The following MARCHF1 variants were observed in gnomAD, a reference collection of about 807,000 sequenced individuals.
MARCHF1 encodes E3 ubiquitin-protein ligase MARCHF1.
Under a neutral mutation model 54.2 loss-of-function variants are expected in MARCHF1, and 40 were observed. The observed-to-expected ratio is 0.74, with a 90% CI of 0.57 to 0.96. MARCHF1 has a LOEUF of 0.96. MARCHF1 is among the 40% of genes least tolerant of loss of function. The pLI, the probability that MARCHF1 is intolerant of heterozygous loss-of-function variation, is 0.00. For synonymous variants in MARCHF1, 236 were observed against 236.3 expected, an observed-to-expected ratio of 1.00 and a Z score of 0.01; for missense variants, 586 against 656.5, an observed-to-expected ratio of 0.89 and a Z score of 1.17.
chr4:163,707,913 C>T (rs1454124641), intron 4 of MARCHF1, among the ~76,000 whole-genome samples: 4 of 151,566 alleles, frequency 2.6e-5, no homozygotes, highest in Non-Finnish European at 1.5e-5. Context: ...AACTACTTTT[C>T]TGTTGTGCCA....
At chr4:163,772,432 C>A (rs935505671) in intron 4 of MARCHF1, among the ~76,000 whole-genome samples, 1 of 152,146 alleles carries the variant, frequency 6.6e-6, no homozygotes, top group Non-Finnish European at 1.5e-5. Context: ...TAGGACATGA[C>A]CAGGATGAAA....
chr4:163,952,205 T>C (rs955806480), intron 3 of MARCHF1, among the ~76,000 whole-genome samples: 1 of 152,198 alleles, frequency 6.6e-6, no homozygotes, highest in Admixed American at 6.5e-5. Context: ...CACTGTTGAG[T>C]ATAGTAGATG....
At chr4:163,958,708 TA>T (rs1326036097) in intron 3 of MARCHF1, among the ~76,000 whole-genome samples, 3 of 151,962 alleles carry the variant, frequency 2.0e-5, no homozygotes, top group Non-Finnish European at 4.4e-5. Context: ...GCTGGTCTTT[TA>T]AGATCTACTG....
At chr4:163,798,033 G>A (rs868405618) in intron 4 of MARCHF1, among the ~76,000 whole-genome samples, 1 of 152,102 alleles carries the variant, frequency 6.6e-6, no homozygotes, top group Non-Finnish European at 1.5e-5. Flanking sequence ...TTGCACTTAG[G>A]GGGTGCTATG....
At chr4:163,953,248 A>T (rs1372189580) in intron 3 of MARCHF1, among the ~76,000 whole-genome samples, 1 of 152,132 alleles carries the variant, frequency 6.6e-6, no homozygotes, top group Admixed American at 6.5e-5. Flanking sequence ...TGGGTGAGGC[A>T]TCGTGGCTAC....
At chr4:163,989,549 C>A (rs938097567) in intron 2 of MARCHF1, among the ~76,000 whole-genome samples, 1 of 152,158 alleles carries the variant, frequency 6.6e-6, no homozygotes, top group Non-Finnish European at 1.5e-5. Context: ...ATAAAGGAAA[C>A]AGACTTTACT....
chr4:164,228,463 A>G (rs529616819), intron 1 of MARCHF1, among the ~76,000 whole-genome samples: 1 of 152,178 alleles, frequency 6.6e-6, no homozygotes, highest in Non-Finnish European at 1.5e-5. Context: ...ATAGTAGTTA[A>G]TCTGCATGTG....
At chr4:164,172,373 T>C (rs1305725076) in intron 1 of MARCHF1, among the ~76,000 whole-genome samples, 1 of 152,222 alleles carries the variant, frequency 6.6e-6, no homozygotes, top group Non-Finnish European at 1.5e-5. Context: ...AATTTACTTA[T>C]CTTACTTATC....
At chr4:163,578,529 C>T (rs991087467) in intron 8 of MARCHF1, among the ~76,000 whole-genome samples, 14 of 152,178 alleles carry the variant, frequency 9.2e-5, no homozygotes, top group Non-Finnish European at 1.2e-4. Flanking sequence ...CCAGTAGTGT[C>T]CTGGATATTT....
intron 1 of MARCHF1, among the ~76,000 whole-genome samples, chr4:164,259,833 C>G (rs1733413020): frequency 2.0e-5 from 3 of 152,272 alleles, no homozygotes; most frequent in Non-Finnish European, 4.4e-5. Context: ...TGGGGATAAG[C>G]TAAACCATTT....
chr4:163,953,748 A>C (rs993249267), intron 3 of MARCHF1, among the ~76,000 whole-genome samples: 1 of 152,208 alleles, frequency 6.6e-6, no homozygotes, highest in Non-Finnish European at 1.5e-5. Flanking sequence ...GGGTTAAAAA[A>C]ATCAAAAGAA....
At chr4:163,993,423 C>T (rs911990656) in intron 2 of MARCHF1, among the ~76,000 whole-genome samples, 4 of 152,072 alleles carry the variant, frequency 2.6e-5, no homozygotes, top group African/African-American at 7.2e-5. Context: ...GAATGATCAG[C>T]CTTCAATACC....
intron 5 of MARCHF1, among the ~76,000 whole-genome samples, chr4:163,644,652 C>G (rs1560994579): frequency 6.6e-6 from 1 of 152,130 alleles, no homozygotes; most frequent in Non-Finnish European, 1.5e-5. Context: ...CATCCATGTT[C>G]CCACAGGCAG....
intron 1 of MARCHF1, among the ~76,000 whole-genome samples, chr4:164,241,226 C>G (rs1486577403): frequency 2.6e-5 from 4 of 152,144 alleles, no homozygotes; most frequent in African/African-American, 9.7e-5. Context: ...CCCAACCAAT[C>G]AGCAGTATCT....
chr4:164,255,080 A>G (rs1405653774), intron 1 of MARCHF1, among the ~76,000 whole-genome samples: 1 of 152,190 alleles, frequency 6.6e-6, no homozygotes, highest in South Asian at 2.1e-4. Flanking sequence ...ACACATATGT[A>G]AATGAGTCAT....
chr4:164,166,323 G>A (rs1730380291), intron 1 of MARCHF1, among the ~76,000 whole-genome samples: 1 of 151,976 alleles, frequency 6.6e-6, no homozygotes, highest in South Asian at 2.1e-4. Context: ...AAGTCCAAAT[G>A]AAGTGTGAAG....
chr4:164,378,455 AAAG>A (rs892966008), intron 1 of MARCHF1, among the ~76,000 whole-genome samples: 1 of 152,238 alleles, frequency 6.6e-6, no homozygotes, highest in African/African-American at 2.4e-5. Flanking sequence ...AAGCTTCTGG[AAAG>A]AAGAGCGGAT....
intron 1 of MARCHF1, among the ~76,000 whole-genome samples, chr4:164,213,689 T>G (rs1468275903): frequency 6.6e-6 from 1 of 152,122 alleles, no homozygotes; most frequent in East Asian, 1.9e-4. Flanking sequence ...AATGTATCTA[T>G]TATAAATGAG....
intron 1 of MARCHF1, among the ~76,000 whole-genome samples, chr4:164,112,234 GTACTTCAC>G: frequency 6.6e-6 from 1 of 151,974 alleles, no homozygotes; most frequent in South Asian, 2.1e-4. Context: ...CACAAGCCAT[GTACTTCAC>G]TACCTCTATT....
Sources: gnomAD v4.1 joint callset for allele counts (sites outside exome capture counted in the v4.1 genomes callset) on GRCh38, gnomAD v4.1.1 for gene constraint, MANE v1.5 for transcripts, NCBI Gene and HGNC (gene_info 2026-07-23, HGNC 2026-07-21) for gene names.